CCDC85A: variants seen among roughly 807,000 people sequenced by gnomAD.
The protein encoded by CCDC85A is coiled-coil domain containing 85A.
CCDC85A carries 38 observed loss-of-function variants against 50.2 expected under a neutral mutation model. The observed-to-expected ratio is 0.76, with a 90% CI of 0.58 to 0.99. The LOEUF (loss-of-function observed/expected upper bound fraction) is 0.99, where lower values mean the gene tolerates loss of function less well. Among genes scored for constraint, CCDC85A ranks in the 50% least tolerant of loss-of-function variants. CCDC85A has a pLI of 0.00. For missense variants in CCDC85A, 820 were observed against 742.0 expected (o/e 1.11, Z -1.22); for synonymous variants, 366 against 301.4 (o/e 1.21, Z -2.22).
intron 2 of CCDC85A, among the ~76,000 whole-genome samples, chr2:56,211,788 C>T (rs1445434938): frequency 1.3e-5 from 2 of 151,996 alleles, no homozygotes; most frequent in Non-Finnish European, 2.9e-5. Flanking sequence ...CACAATTAGC[C>T]TAGACCCACA....
chr2:56,292,607 C>T (rs1671766343), intron 2 of CCDC85A, among the ~76,000 whole-genome samples: 1 of 152,094 alleles, frequency 6.6e-6, no homozygotes, highest in African/African-American at 2.4e-5. Context: ...TGTTGTAGGC[C>T]TCTCGTACCT....
rs1447759176 is a variant in CCDC85A, at chr2:56,193,048, A to G, written c.848A>G (p.Lys283Arg). The G allele has an allele frequency of 1.2e-6, 2 of 1,613,922 alleles. No homozygotes were observed. The highest frequency in any genetic ancestry group is 1.3e-5 in the African/African-American group (1 of 75,032). The change falls in exon 2 of 6, where the codon AAA becomes AGA. Residue 283 changes from lysine to arginine, a missense_variant. Coordinates refer to ENST00000407595, the MANE Select transcript of CCDC85A (RefSeq NM_001080433.2). ...AAAGGACCTAGCCCGGAGCACCACA[A>G]ACCCTTGTGCAAGGGCAGCCCCGAA... ...ALKGPSPEHH[K>R]PLCKGSPEQQ...
At chr2:56,212,023 A>G (rs1412336229) in intron 2 of CCDC85A, among the ~76,000 whole-genome samples, 1 of 151,994 alleles carries the variant, frequency 6.6e-6, no homozygotes, top group African/African-American at 2.4e-5. Context: ...TAATATCTGG[A>G]CTCAGCTCAG....
intron 2 of CCDC85A, among the ~76,000 whole-genome samples, chr2:56,237,702 G>T (rs1263534860): frequency 1.3e-5 from 2 of 151,694 alleles, no homozygotes; most frequent in Non-Finnish European, 2.9e-5. Context: ...CTTTTTGCTG[G>T]AGCTCTTAAC....
intron 2 of CCDC85A, among the ~76,000 whole-genome samples, chr2:56,276,465 G>A (rs1476395820): frequency 6.6e-6 from 1 of 152,050 alleles, no homozygotes; most frequent in African/African-American, 2.4e-5. Context: ...GGAGGTGATT[G>A]AATTATGGGG....
chr2:56,379,860 G>A (rs191532848), intron 5 of CCDC85A: 19 of 883,324 alleles, frequency 2.2e-5, no homozygotes, highest in East Asian at 1.2e-4. Flanking sequence ...TAAGTTTAAT[G>A]TGCTTTATTG....
intron 2 of CCDC85A, among the ~76,000 whole-genome samples, chr2:56,331,873 T>C (rs1192917304): frequency 1.3e-5 from 2 of 152,230 alleles, no homozygotes; most frequent in Non-Finnish European, 2.9e-5. Context: ...TTCCCTTCCT[T>C]TGAAAATTTT....
At chr2:56,365,233 T>C (rs1210144633) in intron 3 of CCDC85A, among the ~76,000 whole-genome samples, 2 of 152,222 alleles carry the variant, frequency 1.3e-5, no homozygotes, top group Non-Finnish European at 2.9e-5. Flanking sequence ...TCTCAGCCAT[T>C]ATTTGGCATA....
chr2:56,371,458 T>C (rs1448402858), intron 3 of CCDC85A, among the ~76,000 whole-genome samples: 1 of 152,106 alleles, frequency 6.6e-6, no homozygotes, highest in Admixed American at 6.5e-5. Context: ...AACCTCAACA[T>C]TTAGACACTA....
At chr2:56,233,281 AG>A (rs1213215151) in intron 2 of CCDC85A, among the ~76,000 whole-genome samples, 4 of 152,204 alleles carry the variant, frequency 2.6e-5, no homozygotes, top group Non-Finnish European at 4.4e-5. Flanking sequence ...CAGGGGACTG[AG>A]GGGCCAGGAC....
intron 2 of CCDC85A, among the ~76,000 whole-genome samples, chr2:56,299,829 C>T (rs146386660): frequency 6.6e-6 from 1 of 152,148 alleles, no homozygotes; most frequent in African/African-American, 2.4e-5. Context: ...TGGTGCTTAC[C>T]TTCCCCTCCA....
intron 1 of CCDC85A, among the ~76,000 whole-genome samples, chr2:56,189,747 C>T (rs1156253372): frequency 2.6e-5 from 4 of 152,168 alleles, no homozygotes; most frequent in African/African-American, 9.7e-5. Flanking sequence ...TCCTACCCCA[C>T]TAAGAGCCCC....
At chr2:56,202,162 A>G (rs1232768831) in intron 2 of CCDC85A, among the ~76,000 whole-genome samples, 4 of 152,134 alleles carry the variant, frequency 2.6e-5, no homozygotes, top group Admixed American at 2.6e-4. Context: ...AGAGTGTGAG[A>G]TAAGATAAGT....
At chr2:56,258,976 G>A (rs1670104473) in intron 2 of CCDC85A, among the ~76,000 whole-genome samples, 1 of 152,132 alleles carries the variant, frequency 6.6e-6, no homozygotes, top group Non-Finnish European at 1.5e-5. Context: ...CTGAAGGTCG[G>A]GTGACTTAGG....
At position 56,244,667 on chromosome 2, in the gene CCDC85A, A is replaced by G. The variant is rs143187807; in HGVS notation, c.1240+51227A>G. On this transcript the variant is annotated intron_variant, in intron 2 of 5. Transcript: ENST00000407595. Reference sequence around the variant, plus strand: ...TCTGCAGTCTGAATATGCTGTGAATATGCTGGGTCACATTGGAAGCCAGCA... The same window carrying G: ...TCTGCAGTCTGAATATGCTGTGAATGTGCTGGGTCACATTGGAAGCCAGCA... 5.0e-4 allele frequency among the ~76,000 whole-genome samples: 75 copies of G among 151,314 alleles called. 1 individual carries two copies. The highest frequency in any genetic ancestry group is 1.4e-3 in the African/African-American group (59 of 41,246).
In CCDC85A at chr2:56,375,882, A is replaced by G. The variant is rs760371297; in HGVS notation, c.1519A>G (p.Ser507Gly). Residue 507 changes from serine to glycine, a missense_variant, in exon 5 of 6, where the codon AGT becomes GGT. Transcript: ENST00000407595. Reference protein sequence around the residue: ...NSSPNSAASFSGHATPSQQPE... With the variant: ...NSSPNSAASFGGHATPSQQPE... ...TTCACCCAACTCTGCAGCTAGCTTC[A>G]GTGGACATGCCACACCTTCCCAGCA... is the stretch of plus-strand genomic sequence containing the variant. 1.1e-5 allele frequency: 18 copies of G among 1,613,738 alleles called. No individual in the cohort carries two copies. The highest frequency in any genetic ancestry group is 2.7e-5 in the African/African-American group (2 of 74,914).
In CCDC85A at chr2:56,351,168, C is replaced by G. The variant is rs550683938; in HGVS notation, c.1317+8213C>G. On this transcript the variant is annotated intron_variant, in intron 3 of 5. Coordinates refer to ENST00000407595, the MANE Select transcript of CCDC85A (RefSeq NM_001080433.2). The stretch of plus-strand genomic sequence containing the variant: ...ATTTCCAATTTCATCCATGTCCCTA[C>G]AAAGGACATGAACTCATCATTTTTT... 4.6e-4 allele frequency among the ~76,000 whole-genome samples: 69 copies of G among 151,410 alleles called. 1 individual carries two copies. The Middle Eastern group carries it at 0.017, about 38-fold the overall frequency.
chr2:56,307,456 G>C (rs7568158), intron 2 of CCDC85A, among the ~76,000 whole-genome samples: 3 of 152,136 alleles, frequency 2.0e-5, no homozygotes, highest in Non-Finnish European at 4.4e-5. Context: ...AGGTAGTGTA[G>C]AAATTTAATG....
chr2:56,322,044 A>T (rs879132760), intron 2 of CCDC85A, among the ~76,000 whole-genome samples: 1 of 152,210 alleles, frequency 6.6e-6, no homozygotes, highest in Non-Finnish European at 1.5e-5. Context: ...AAATGGGGAA[A>T]GGATTCCCTA....
Sources: gnomAD v4.1 joint callset for allele counts (sites outside exome capture counted in the v4.1 genomes callset) on GRCh38, gnomAD v4.1.1 for gene constraint, MANE v1.5 for transcripts, NCBI Gene and HGNC (gene_info 2026-07-23, HGNC 2026-07-21) for gene names.